ROBO1: variants seen among roughly 807,000 people sequenced by gnomAD.
ROBO1 encodes the protein roundabout homolog 1.
Under a neutral mutation model 195.9 loss-of-function variants are expected in ROBO1, and 149 were observed. That is an observed-to-expected ratio of 0.76 (90% confidence interval 0.67 to 0.87). ROBO1 has a LOEUF of 0.87. Ranked by LOEUF, ROBO1 falls within the 40% of genes least tolerant of loss-of-function variation. The pLI is 0.00. For missense variants in ROBO1, 1,933 were observed against 2,068.3 expected (o/e 0.93, Z 1.27); for synonymous variants, 816 against 733.2 (o/e 1.11, Z -1.82).
At chr3:78,836,287 C>T (rs705096) in intron 4 of ROBO1, among the ~76,000 whole-genome samples, 15 of 151,920 alleles carry the variant, frequency 9.9e-5, no homozygotes, top group Admixed American at 5.2e-4. Context: ...CCGAGGCGGG[C>T]GGATCACGAG....
At chr3:79,012,541 T>C (rs2077807980) in intron 3 of ROBO1, among the ~76,000 whole-genome samples, 1 of 152,202 alleles carries the variant, frequency 6.6e-6, no homozygotes, top group African/African-American at 2.4e-5. Flanking sequence ...CATGGACAGC[T>C]GTGAACGCCA....
chr3:79,372,421 G>T, intron 2 of ROBO1, among the ~76,000 whole-genome samples: 1 of 151,972 alleles, frequency 6.6e-6, no homozygotes, highest in East Asian at 1.9e-4. Context: ...ATGTTGACCA[G>T]GATAGTCTCA....
At chr3:79,135,442 T>C (rs1478523193) in intron 2 of ROBO1, among the ~76,000 whole-genome samples, 1 of 152,118 alleles carries the variant, frequency 6.6e-6, no homozygotes, top group African/African-American at 2.4e-5. Flanking sequence ...AAAAAATTGT[T>C]GATTGTTCAA....
intron 2 of ROBO1, among the ~76,000 whole-genome samples, chr3:79,194,593 G>A (rs1206931424): frequency 6.6e-6 from 1 of 151,598 alleles, no homozygotes; most frequent in Non-Finnish European, 1.5e-5. Flanking sequence ...TATGCTTGAC[G>A]TTGGCATATA....
intron 2 of ROBO1, among the ~76,000 whole-genome samples, chr3:79,289,903 C>CAT (rs1432410459): frequency 2.0e-5 from 3 of 151,920 alleles, no homozygotes; most frequent in East Asian, 3.9e-4. Flanking sequence ...TGTCCATCAA[C>CAT]AGGAAGAGAT....
chr3:79,568,724 T>G (rs369563887), intron 2 of ROBO1, among the ~76,000 whole-genome samples: 2 of 152,084 alleles, frequency 1.3e-5, no homozygotes, highest in Admixed American at 1.3e-4. Context: ...AAAGCCTAGA[T>G]AGTACTTTAT....
chr3:78,945,892 T>G (rs1211855570), intron 3 of ROBO1, among the ~76,000 whole-genome samples: 1 of 150,688 alleles, frequency 6.6e-6, no homozygotes, highest in African/African-American at 2.4e-5. Flanking sequence ...CCGTAGACAA[T>G]GCAATCAACT....
At chr3:78,964,497 T>C (rs80169091) in intron 3 of ROBO1, among the ~76,000 whole-genome samples, 23,095 of 151,974 alleles carry the variant, frequency 0.15, 2,651 homozygotes, top group African/African-American at 0.33. Context: ...GACCTAAATA[T>C]GTCCAAAAAA....
At chr3:78,960,767 A>G (rs2041291863) in intron 3 of ROBO1, among the ~76,000 whole-genome samples, 1 of 144,418 alleles carries the variant, frequency 6.9e-6, no homozygotes, top group Admixed American at 7.3e-5. Flanking sequence ...ACGAAGCGAG[A>G]CTCCGTATTA....
At chr3:79,535,453 T>C (rs373424703) in intron 2 of ROBO1, among the ~76,000 whole-genome samples, 92 of 152,282 alleles carry the variant, frequency 6.0e-4, no homozygotes, top group African/African-American at 2.2e-3. Flanking sequence ...TCAAAGTTTA[T>C]GTTAAAGTAA....
chr3:79,343,014 T>C (rs1404061326), intron 2 of ROBO1, among the ~76,000 whole-genome samples: 2 of 152,160 alleles, frequency 1.3e-5, no homozygotes, highest in Non-Finnish European at 2.9e-5. Context: ...ATCCATTCCC[T>C]CTCTCACACC....
chr3:78,869,435 T>C (rs1405582027), intron 4 of ROBO1, among the ~76,000 whole-genome samples: 1 of 152,184 alleles, frequency 6.6e-6, no homozygotes, highest in Non-Finnish European at 1.5e-5. Context: ...AGTGTATAGC[T>C]CATCAACATT....
intron 2 of ROBO1, among the ~76,000 whole-genome samples, chr3:79,311,706 G>A (rs2033493379): frequency 1.3e-5 from 2 of 152,022 alleles, no homozygotes; most frequent in South Asian, 4.1e-4. Context: ...CTAGCAACCT[G>A]TATTGTGTAT....
intron 2 of ROBO1, among the ~76,000 whole-genome samples, chr3:79,351,112 A>G (rs554623442): frequency 1.3e-5 from 2 of 152,326 alleles, no homozygotes; most frequent in South Asian, 4.1e-4. Flanking sequence ...ATTGCAAGGT[A>G]TATGAATTAC....
At chr3:79,746,240 T>C (rs1195915224) in intron 1 of ROBO1, among the ~76,000 whole-genome samples, 1 of 152,080 alleles carries the variant, frequency 6.6e-6, no homozygotes, top group Non-Finnish European at 1.5e-5. Flanking sequence ...GTGATTAACA[T>C]ATCCTCTTTA....
intron 4 of ROBO1, among the ~76,000 whole-genome samples, chr3:78,788,002 C>A (rs548693332): frequency 5.3e-5 from 7 of 132,830 alleles, no homozygotes; most frequent in Admixed American, 9.1e-5. Context: ...TGCAGGGGCA[C>A]GATCTCGGCT....
chr3:78,952,635 A>T (rs7617538), intron 3 of ROBO1, among the ~76,000 whole-genome samples: 43,934 of 151,686 alleles, frequency 0.29, 6,478 homozygotes, highest in African/African-American at 0.31. Context: ...ATTAAGTTAC[A>T]CACATTTCCA....
At chr3:79,508,989 A>G (rs2107532933) in intron 2 of ROBO1, among the ~76,000 whole-genome samples, 1 of 152,346 alleles carries the variant, frequency 6.6e-6, no homozygotes, top group Middle Eastern at 3.4e-3. Flanking sequence ...ATAGTTGAAG[A>G]CAAGATTAGC....
At chr3:79,245,724 T>C (rs191208883) in intron 2 of ROBO1, among the ~76,000 whole-genome samples, 20 of 152,022 alleles carry the variant, frequency 1.3e-4, no homozygotes, top group African/African-American at 4.3e-4. Context: ...TGCCTGTTCC[T>C]TTCACTGGAG....
Sources: allele counts gnomAD v4.1 joint callset (sites outside exome capture counted in the v4.1 genomes callset), GRCh38; gene constraint gnomAD v4.1.1; transcripts MANE v1.5; gene names NCBI Gene and HGNC (gene_info 2026-07-23, HGNC 2026-07-21).